EMC2: variants seen among roughly 807,000 people sequenced by gnomAD.
EMC2 encodes the protein TPR repeat protein 35.
Under a neutral mutation model 51.6 loss-of-function variants are expected in EMC2, and 37 were observed. The observed-to-expected ratio is 0.72, with a 90% CI of 0.55 to 0.94. The LOEUF (loss-of-function observed/expected upper bound fraction) is 0.94. Among genes scored for constraint, EMC2 ranks in the 40% least tolerant of loss-of-function variants. The probability of loss-of-function intolerance (pLI) is 0.00; values close to 1 mark genes in which losing one functional copy is unlikely to be tolerated. For missense variants in EMC2, 359 were observed against 350.9 expected, an observed-to-expected ratio of 1.02 and a Z score of -0.18; for synonymous variants, 131 against 112.4, an observed-to-expected ratio of 1.17 and a Z score of -1.04.
intron 3 of EMC2, among the ~76,000 whole-genome samples, chr8:108,452,760 A>C (rs999004538): frequency 6.6e-5 from 10 of 152,208 alleles, no homozygotes; most frequent in Non-Finnish European, 1.3e-4. Flanking sequence ...GACACATTAT[A>C]GAAGTAGTTT....
intron 4 of EMC2, among the ~76,000 whole-genome samples, chr8:108,454,931 T>C (rs1819115227): frequency 6.6e-6 from 1 of 152,046 alleles, no homozygotes; most frequent in Non-Finnish European, 1.5e-5. Flanking sequence ...TGAAGAGAAG[T>C]CTGATATAAT....
In EMC2 at chr8:108,486,970, A is replaced by G. The variant is rs564381048; in HGVS notation, c.*372A>G. ...ATACTCACAGTGGATATATTGTTTA[A>G]GAACTCAGTTTCTAGTTAACTCCTT... On this transcript the variant is annotated 3_prime_UTR_variant, in exon 11 of 11. Transcript: ENST00000220853. 1 of 156,538 alleles carries G rather than the reference A, an allele frequency of 6.4e-6. No individual in the cohort carries two copies. The highest frequency in any genetic ancestry group is 1.4e-5 in the Non-Finnish European group (1 of 71,156). 9.7% of individuals were successfully genotyped at this position (156,538 alleles called of 1,614,324 possible).
At chr8:108,472,998 C>T (rs1267936499) in intron 7 of EMC2, among the ~76,000 whole-genome samples, 1 of 151,892 alleles carries the variant, frequency 6.6e-6, no homozygotes, top group Non-Finnish European at 1.5e-5. Flanking sequence ...ACAGGTGTGT[C>T]ACTGTGCCCA....
chr8:108,456,671 C>A (rs1473109248), intron 5 of EMC2, among the ~76,000 whole-genome samples: 1 of 151,920 alleles, frequency 6.6e-6, no homozygotes, highest in African/African-American at 2.4e-5. Flanking sequence ...TCTGAAGATA[C>A]CTATATAGTA....
chr8:108,457,374 CTA>C (rs943347302), intron 5 of EMC2, among the ~76,000 whole-genome samples: 1 of 117,600 alleles, frequency 8.5e-6, no homozygotes, highest in Non-Finnish European at 1.8e-5. Flanking sequence ...GTGTGTGTGT[CTA>C]TGTATTAGTC....
intron 1 of EMC2, among the ~76,000 whole-genome samples, chr8:108,444,510 T>C (rs184090702): frequency 4.4e-4 from 67 of 152,246 alleles, no homozygotes; most frequent in Non-Finnish European, 7.6e-4. Flanking sequence ...GGAATTCATA[T>C]TCCCAGCATT....
Position 108,479,930 on chromosome 8 carries a change from G to A in EMC2, c.807+820G>A, listed in dbSNP as rs373300405. On this transcript the variant is annotated intron_variant, in intron 10 of 10. Transcript: ENST00000220853. Reference sequence around the variant, plus strand: ...TTCTGTTTCAGAATAAAATGTTGCCGTCAGGAAATATGATGCCGTCTTGAC... The same window carrying A: ...TTCTGTTTCAGAATAAAATGTTGCCATCAGGAAATATGATGCCGTCTTGAC... Among the ~76,000 whole-genome samples, 4 of 152,158 alleles carry A rather than the reference G, an allele frequency of 2.6e-5. No individual in the cohort carries two copies. The South Asian group carries it at 6.2e-4, about 24-fold the overall frequency.
intron 7 of EMC2, among the ~76,000 whole-genome samples, chr8:108,471,642 A>G (rs529866475): frequency 1.3e-5 from 2 of 152,002 alleles, no homozygotes; most frequent in South Asian, 2.1e-4. Context: ...GTAACAATCT[A>G]CAGTGTGTTT....
intron 5 of EMC2, among the ~76,000 whole-genome samples, chr8:108,465,313 G>A (rs899596449): frequency 6.6e-6 from 1 of 152,186 alleles, no homozygotes; most frequent in Non-Finnish European, 1.5e-5. Context: ...TCAGGGTCTA[G>A]CTGTCCTGTA....
chr8:108,453,176 T>C (rs1479972545), intron 4 of EMC2, 29 bp downstream of exon 4: 4 of 1,349,606 alleles, frequency 3.0e-6, no homozygotes, highest in Non-Finnish European at 4.1e-6. Flanking sequence ...CTGGCAGGCA[T>C]GGAGCCTGTT....
chr8:108,450,517 T>C, intron 3 of EMC2, 25 bp downstream of exon 3: 4 of 1,319,944 alleles, frequency 3.0e-6, no homozygotes, highest in Non-Finnish European at 3.3e-6. Context: ...GAAGTATATA[T>C]TTAATTTGCT....
chr8:108,466,493 C>G (rs1349808644), intron 5 of EMC2, among the ~76,000 whole-genome samples: 1 of 126,076 alleles, frequency 7.9e-6, no homozygotes, highest in Non-Finnish European at 1.6e-5. Flanking sequence ...CGCTCTGTTG[C>G]CCAGGCTGGA....
intron 5 of EMC2, among the ~76,000 whole-genome samples, chr8:108,459,203 C>T (rs1819244728): frequency 6.6e-6 from 1 of 152,174 alleles, no homozygotes; most frequent in African/African-American, 2.4e-5. Flanking sequence ...TAGGGAGTTA[C>T]AAACTTTCCC....
rs1811157992 is a variant in EMC2, at chr8:108,487,178, T to C, written c.*580T>C. Among the ~76,000 whole-genome samples, 1 of 152,136 alleles carries C rather than the reference T, an allele frequency of 6.6e-6. No homozygotes were observed. Among genetic ancestry groups the C allele is most frequent in the Non-Finnish European group, 1.5e-5 (1 of 67,980 alleles). On this transcript the variant is annotated 3_prime_UTR_variant, in exon 11 of 11. Transcript: ENST00000220853. ...GTCATTCTCCAAAGTTCAGCAATAT[T>C]TCTTTGTAAAATTTTTGTTTTGATA...
chr8:108,470,056 C>A lies in EMC2; in HGVS notation c.450-6C>A. ...CACTTACTTTTTTTTCTTTTCCTCTCACCAGATTTGTTGGAGACCAAGAAG... is the reference window on the plus strand; with the variant it reads ...CACTTACTTTTTTTTCTTTTCCTCTAACCAGATTTGTTGGAGACCAAGAAG... On this transcript the variant is annotated splice_polypyrimidine_tract_variant and splice_region_variant and intron_variant, in intron 6 of 10. Transcript: ENST00000220853. 1 of 1,611,712 alleles carries A rather than the reference C, an allele frequency of 6.2e-7. No homozygotes were observed. Among genetic ancestry groups the A allele is most frequent in the Non-Finnish European group, 8.5e-7 (1 of 1,178,484 alleles).
At chr8:108,459,212 C>T (rs1303681958) in intron 5 of EMC2, among the ~76,000 whole-genome samples, 82 of 152,264 alleles carry the variant, frequency 5.4e-4, no homozygotes, top group Non-Finnish European at 7.4e-5. Flanking sequence ...ACAAACTTTC[C>T]CACATTTTCC....
At chr8:108,477,902 T>C (rs1208598810) in intron 9 of EMC2, among the ~76,000 whole-genome samples, 1 of 152,048 alleles carries the variant, frequency 6.6e-6, no homozygotes, top group Non-Finnish European at 1.5e-5. Context: ...CTCAATACTA[T>C]CCTCAGGTGG....
Position 108,475,960 on chromosome 8 carries a change from T to C in EMC2, c.588T>C (p.Ala196=), listed in dbSNP as rs764511105. 1 of 1,545,954 alleles carries C rather than the reference T, an allele frequency of 6.5e-7. No homozygotes were observed. Among genetic ancestry groups the C allele is most frequent in the Non-Finnish European group, 8.8e-7 (1 of 1,136,930 alleles). Residue 196 remains alanine, a synonymous_variant, in exon 8 of 11, where the codon GCT becomes GCC. Transcript: ENST00000220853. ...PHNHLYCQQY[A]EVKYTQGGLE... ...ACCACTTATACTGTCAGCAGTATGC[T>C]GAAGTAAGTGTTTTCAGAACAATGG...
chr8:108,462,742 G>GTT (rs10536863), intron 5 of EMC2, among the ~76,000 whole-genome samples: 1 of 149,072 alleles, frequency 6.7e-6, no homozygotes, highest in Non-Finnish European at 1.5e-5. Context: ...TTTTAATATT[G>GTT]TTTTTTTTTT....
Sources: gnomAD v4.1 joint callset for allele counts (sites outside exome capture counted in the v4.1 genomes callset) on GRCh38, gnomAD v4.1.1 for gene constraint, MANE v1.5 for transcripts, NCBI Gene and HGNC (gene_info 2026-07-23, HGNC 2026-07-21) for gene names.